Variants in ARMCX4 observed in about 807,000 individuals in gnomAD.
ARMCX4 encodes armadillo repeat containing X-linked 4, also known as armadillo repeat-containing X-linked protein 4.
ARMCX4 carries 3 observed loss-of-function variants against 34.7 expected under a neutral mutation model. The observed-to-expected ratio is 0.09, with a 90% CI of 0.04 to 0.22. The LOEUF (loss-of-function observed/expected upper bound fraction) is 0.22, where lower values mean the gene tolerates loss of function less well. Among genes scored for constraint, ARMCX4 ranks in the 10% least tolerant of loss-of-function variants. The pLI, the probability that ARMCX4 is intolerant of heterozygous loss-of-function variation, is 1.00. For synonymous variants in ARMCX4, 513 were observed against 632.8 expected (o/e 0.81, Z 2.84); for missense variants, 1,448 against 1,720.8 (o/e 0.84, Z 2.81).
chrX:101,459,114 T>A (rs1478148932), intron 4 of ARMCX4, among the ~76,000 whole-genome samples: 2 of 112,116 alleles, frequency 1.8e-5, no homozygotes, highest in African/African-American at 6.5e-5. Context: ...ATGTTTTCCC[T>A]TTCTTGCCGT....
At chrX:101,519,668 T>A (rs189867009) in intron 11 of ARMCX4, among the ~76,000 whole-genome samples, 1 of 111,845 alleles carries the variant, frequency 8.9e-6, no homozygotes, top group East Asian at 2.8e-4. Flanking sequence ...CTGATTTCAA[T>A]ACTTCTAGAT....
Position 101,488,997 on chromosome X carries a change from G to A in ARMCX4, c.408G>A (p.Lys136=). The part of the protein sequence containing the change: ...MTEAVTLTEV[K]AKAREVAMKE... The stretch of plus-strand genomic sequence containing the variant: ...AGGCAGTGACTCTGACTGAGGTCAA[G>A]GCCAAAGCCAGGGAAGTGGCCATGA... The change falls in exon 6 of 6, where the codon AAG becomes AAA. Residue 136 remains lysine, a synonymous_variant. Transcript: ENST00000423738. The A allele has an allele frequency of 8.6e-7, 1 of 1,156,377 alleles. No homozygotes were observed.
chrX:101,475,722 CAG>C (rs1933157454), intron 4 of ARMCX4, among the ~76,000 whole-genome samples: 1 of 111,305 alleles, frequency 9.0e-6, no homozygotes, highest in South Asian at 3.7e-4. Flanking sequence ...CAATATAAGA[CAG>C]AGTAGAATTT....
At chrX:101,438,870 A>G (rs1360748970) in intron 2 of ARMCX4, among the ~76,000 whole-genome samples, 3 of 111,043 alleles carry the variant, frequency 2.7e-5, no homozygotes, top group East Asian at 2.8e-4. Flanking sequence ...GTGTCTCTGC[A>G]TGTGAGATGG....
downstream of ARMCX4, among the ~76,000 whole-genome samples, chrX:101,500,122 C>G (rs1160022654): frequency 9.0e-6 from 1 of 111,227 alleles, no homozygotes; most frequent in Non-Finnish European, 1.9e-5. Context: ...ATATTGACAC[C>G]CAGAGACCTA....
At chrX:101,456,518 T>G (rs1236385347) in intron 4 of ARMCX4, among the ~76,000 whole-genome samples, 1 of 111,474 alleles carries the variant, frequency 9.0e-6, no homozygotes, top group Non-Finnish European at 1.9e-5. Flanking sequence ...GGTGTTGTTT[T>G]TTGATTGTTG....
intron 7 of ARMCX4, among the ~76,000 whole-genome samples, chrX:101,504,718 C>T (rs1934405375): frequency 9.0e-6 from 1 of 111,383 alleles, no homozygotes; most frequent in Non-Finnish European, 1.9e-5. Flanking sequence ...ATTTTGAGTA[C>T]AGTGGGTTTG....
At chrX:101,478,576 T>C (rs1933299160) in intron 4 of ARMCX4, among the ~76,000 whole-genome samples, 1 of 110,988 alleles carries the variant, frequency 9.0e-6, no homozygotes, top group Admixed American at 9.7e-5. Flanking sequence ...TGGTGCAGGG[T>C]AACCAGGCTC....
chrX:101,515,377 T>C (rs1934695696), intron 11 of ARMCX4, among the ~76,000 whole-genome samples: 1 of 56,372 alleles, frequency 1.8e-5, no homozygotes, highest in Non-Finnish European at 3.3e-5. Flanking sequence ...CTTTCTTTCT[T>C]TCTTTTTCTT....
chrX:101,484,952 G>A (rs1295981439), upstream of ARMCX4, among the ~76,000 whole-genome samples: 2 of 111,455 alleles, frequency 1.8e-5, no homozygotes, highest in Non-Finnish European at 3.8e-5. Context: ...GAAAATTAAA[G>A]CTCTACTTGC....
At position 101,493,186 on chromosome X, in the gene ARMCX4, G is replaced by A. The variant is rs1414186913; in HGVS notation, c.4597G>A (p.Gly1533Arg). The A allele has an allele frequency of 1.7e-5, 20 of 1,153,551 alleles. No homozygotes were observed. The East Asian group carries it at 6.2e-4, about 36-fold the overall frequency. Reference protein sequence around the residue: ...WGGASGQDVGGSRPGPTNQSS... With the variant: ...WGGASGQDVGRSRPGPTNQSS... ...TGGGGCTAGTGGCCAGGATGTTGGA[G>A]GGTCTAGGCCAGGGCCCACGAACCA... The change falls in exon 6 of 6, where the codon GGG becomes AGG. Residue 1533 changes from glycine (G) to arginine (R), a missense_variant. Around this residue, in one of 2 missense-constraint regions of ARMCX4, gnomAD observed 1,343 missense variants for 1,540.7 expected, o/e 0.87. Transcript: ENST00000423738.
At chrX:101,506,093 T>G (rs1934443568) in intron 8 of ARMCX4, among the ~76,000 whole-genome samples, 1 of 112,055 alleles carries the variant, frequency 8.9e-6, no homozygotes, top group African/African-American at 3.2e-5. Flanking sequence ...TCCACCCACC[T>G]TGGCCTCCCA....
chrX:101,503,148 G>A (rs1430603657), intron 7 of ARMCX4, among the ~76,000 whole-genome samples: 2 of 109,810 alleles, frequency 1.8e-5, no homozygotes, highest in East Asian at 2.9e-4. Context: ...GTATTCCATG[G>A]TGTATATGTG....
In ARMCX4 at chrX:101,490,550, T is replaced by C; in HGVS notation, c.1961T>C (p.Val654Ala). 8.7e-7 allele frequency: 1 copy of C among 1,154,321 alleles called. No homozygotes were observed. The highest frequency in any genetic ancestry group is 1.1e-6 in the Non-Finnish European group (1 of 872,348). Residue 654 changes from valine (V) to alanine (A), a missense_variant, in exon 6 of 6, where the codon GTT becomes GCT. Transcript: ENST00000423738. Reference sequence around the variant, plus strand: ...AATAAAGTTAAGGGTAATCCCAATGTTGTGCTTAAGGCAGAAGTTGGGGAA... The same window carrying C: ...AATAAAGTTAAGGGTAATCCCAATGCTGTGCTTAAGGCAGAAGTTGGGGAA... Reference protein sequence around the residue: ...TKNKVKGNPNVVLKAEVGEGA... With the variant: ...TKNKVKGNPNAVLKAEVGEGA...
chrX:101,450,066 CTCTT>C (rs1410163445), downstream of ARMCX4, among the ~76,000 whole-genome samples: 4 of 112,066 alleles, frequency 3.6e-5, no homozygotes, highest in South Asian at 3.7e-4. Context: ...CAAACAGAGT[CTCTT>C]TCTTTCTCTC....
intron 4 of ARMCX4, among the ~76,000 whole-genome samples, chrX:101,461,666 A>G (rs1556001222): frequency 8.9e-6 from 1 of 111,824 alleles, no homozygotes; most frequent in Admixed American, 9.6e-5. Context: ...ACCATTTTAT[A>G]TTCCTACAAG....
At chrX:101,438,190 C>T (rs1555995591) in intron 2 of ARMCX4, among the ~76,000 whole-genome samples, 2 of 111,245 alleles carry the variant, frequency 1.8e-5, no homozygotes, top group African/African-American at 6.6e-5. Flanking sequence ...TCTTGGTGCA[C>T]AGCTGAGTTC....
At chrX:101,483,011 T>C (rs2147652578), upstream of ARMCX4, among the ~76,000 whole-genome samples, 1 of 102,543 alleles carries the variant, frequency 9.8e-6, no homozygotes, top group African/African-American at 3.6e-5. Context: ...TTCTCCTGAC[T>C]CAGCCTTGCA....
chrX:101,521,461 T>C (rs1556019097), intron 11 of ARMCX4, among the ~76,000 whole-genome samples: 1 of 111,056 alleles, frequency 9.0e-6, no homozygotes, highest in Non-Finnish European at 1.9e-5. Flanking sequence ...TCTTGGTCAA[T>C]CTAGCCTAAG....
Sources: allele counts gnomAD v4.1 joint callset (sites outside exome capture counted in the v4.1 genomes callset), GRCh38; gene constraint gnomAD v4.1.1; regional missense constraint gnomAD v4.1.1; transcripts MANE v1.5; gene names NCBI Gene and HGNC (gene_info 2026-07-23, HGNC 2026-07-21).